The following AHI1 variants were observed in gnomAD, a reference collection of about 807,000 sequenced individuals.
The protein encoded by AHI1 is Abelson helper integration site 1.
AHI1 carries 123 observed loss-of-function variants against 149.3 expected under a neutral mutation model. That is an observed-to-expected ratio of 0.82 (90% CI 0.71 to 0.96). The LOEUF (loss-of-function observed/expected upper bound fraction) is 0.96. Among genes scored for constraint, AHI1 ranks in the 40% least tolerant of loss-of-function variants. The pLI is 0.00. For missense variants in AHI1, 1,439 were observed against 1,422.7 expected, an observed-to-expected ratio of 1.01 and a Z score of -0.18; for synonymous variants, 475 against 459.8, an observed-to-expected ratio of 1.03 and a Z score of -0.42.
At chr6:135,453,629 A>C (rs562413973) in intron 10 of AHI1, among the ~76,000 whole-genome samples, 193 bp from the exon 11 acceptor site, 1 of 152,138 alleles carries the variant, frequency 6.6e-6, no homozygotes, top group Non-Finnish European at 1.5e-5. Context: ...TTTTCTGACT[A>C]TTTTATCTTT....
At chr6:135,320,393 A>C (rs1048580519) in intron 25 of AHI1, among the ~76,000 whole-genome samples, 3 of 152,248 alleles carry the variant, frequency 2.0e-5, no homozygotes, top group Non-Finnish European at 4.4e-5. Context: ...TCATCACTGC[A>C]ATATGCTTCA....
chr6:135,424,856 T>G (rs1318494435), intron 20 of AHI1, among the ~76,000 whole-genome samples: 1 of 152,006 alleles, frequency 6.6e-6, no homozygotes, highest in Non-Finnish European at 1.5e-5. Context: ...TTAAGTCTTT[T>G]GTGTTTTTTG....
chr6:135,325,027 A>ATT (rs35569285), intron 24 of AHI1, among the ~76,000 whole-genome samples: 5 of 136,570 alleles, frequency 3.7e-5, no homozygotes, highest in Non-Finnish European at 6.2e-5. Context: ...ACAAATTACA[A>ATT]TTTTTTTTTT....
chr6:135,491,789 C>A (rs991054094), intron 4 of AHI1, among the ~76,000 whole-genome samples: 1 of 152,124 alleles, frequency 6.6e-6, no homozygotes, highest in Non-Finnish European at 1.5e-5. Flanking sequence ...TGAAATCAGA[C>A]ATACCCATTT....
intron 5 of AHI1, among the ~76,000 whole-genome samples, chr6:135,482,088 GTGGGTGTAT>G (rs1793742390): frequency 1.3e-5 from 2 of 151,950 alleles, no homozygotes; most frequent in African/African-American, 4.8e-5. Context: ...TCTCTGATCT[GTGGGTGTAT>G]TGTTTCCACA....
chr6:135,434,464 T>C lies in AHI1; in HGVS notation c.2037-1208A>G, dbSNP rs138176726. On this transcript the variant is annotated intron_variant, in intron 15 of 28. Coordinates refer to ENST00000265602, the MANE Select transcript of AHI1 (RefSeq NM_001134831.2). The stretch of plus-strand genomic sequence containing the variant: ...TAATTTTGGGAAAATATTAAAAAGA[T>C]AGATGAAAAACTCAGTTGTTTGGTA... Among the ~76,000 whole-genome samples, 911 of 152,086 alleles carry C rather than the reference T, an allele frequency of 6.0e-3. 13 individuals are homozygous for C. The highest frequency in any genetic ancestry group is 0.021 in the African/African-American group (865 of 41,528).
At chr6:135,447,616 T>C (rs1296978975) in intron 12 of AHI1, among the ~76,000 whole-genome samples, 1 of 152,204 alleles carries the variant, frequency 6.6e-6, no homozygotes, top group Non-Finnish European at 1.5e-5. Flanking sequence ...ACAGTACATA[T>C]CAGCTACAGA....
At chr6:135,391,874 G>A (rs1778551271) in intron 23 of AHI1, among the ~76,000 whole-genome samples, 1 of 152,146 alleles carries the variant, frequency 6.6e-6, no homozygotes, top group East Asian at 1.9e-4. Flanking sequence ...TGGGAAAGAG[G>A]AAAGTCGAGA....
chr6:135,348,097 C>CT (rs1490110394), intron 24 of AHI1, among the ~76,000 whole-genome samples: 4 of 152,140 alleles, frequency 2.6e-5, no homozygotes, highest in Admixed American at 2.6e-4. Context: ...AATCTCACTG[C>CT]TGGGGACACT....
At chr6:135,471,819 T>C (rs1299528962) in intron 5 of AHI1, among the ~76,000 whole-genome samples, 1 of 151,504 alleles carries the variant, frequency 6.6e-6, no homozygotes, top group Non-Finnish European at 1.5e-5. Context: ...GAGACCATCC[T>C]GGCTAACAAG....
At chr6:135,382,381 T>C (rs1296252203) in intron 23 of AHI1, among the ~76,000 whole-genome samples, 2 of 152,216 alleles carry the variant, frequency 1.3e-5, no homozygotes, top group African/African-American at 4.8e-5. Flanking sequence ...CAAATCAACA[T>C]TATCTCTAAG....
intron 27 of AHI1, among the ~76,000 whole-genome samples, chr6:135,296,677 C>T (rs1403256437): frequency 6.6e-6 from 1 of 152,212 alleles, no homozygotes; most frequent in Non-Finnish European, 1.5e-5. Context: ...ACCTTCATGT[C>T]TCCTTTCCTT....
At position 135,389,359 on chromosome 6, in the gene AHI1, C is replaced by T. The variant is rs144269584; in HGVS notation, c.3109+5417G>A. Reference sequence around the variant, plus strand: ...GTTCTTCAAATATTATTCAACATGTCGATGCACAAGAGTTAGCTTGACAGA... The same window carrying T: ...GTTCTTCAAATATTATTCAACATGTTGATGCACAAGAGTTAGCTTGACAGA... On this transcript the variant is annotated intron_variant, in intron 23 of 28. Transcript: ENST00000265602. 9.3e-3 allele frequency among the ~76,000 whole-genome samples: 1,402 copies of T among 150,990 alleles called. 19 individuals are homozygous for T. Among genetic ancestry groups the T allele is most frequent in the African/African-American group, 0.032 (1,306 of 41,150 alleles).
chr6:135,364,904 G>A (rs895627843), intron 23 of AHI1, among the ~76,000 whole-genome samples: 5 of 151,384 alleles, frequency 3.3e-5, no homozygotes, highest in African/African-American at 7.3e-5. Flanking sequence ...GAGGGAGACC[G>A]TGGGGAGAGG....
chr6:135,342,483 C>G (rs1268450419), intron 24 of AHI1, among the ~76,000 whole-genome samples: 1 of 151,656 alleles, frequency 6.6e-6, no homozygotes, highest in Non-Finnish European at 1.5e-5. Context: ...AATACTGATG[C>G]AAAACCCTCA....
chr6:135,360,669 T>C (rs879510855), intron 23 of AHI1, among the ~76,000 whole-genome samples: 13 of 152,250 alleles, frequency 8.5e-5, no homozygotes, highest in Non-Finnish European at 1.6e-4. Context: ...AAAATGCTAT[T>C]GCTTATACTC....
chr6:135,342,068 A>G (rs1432717369), intron 24 of AHI1, among the ~76,000 whole-genome samples: 1 of 151,946 alleles, frequency 6.6e-6, no homozygotes, highest in East Asian at 1.9e-4. Context: ...GGTAGAAAAA[A>G]CAAAAGGTAA....
intron 11 of AHI1, among the ~76,000 whole-genome samples, chr6:135,452,984 C>T (rs914639116): frequency 2.6e-5 from 4 of 152,116 alleles, no homozygotes; most frequent in African/African-American, 9.7e-5. Flanking sequence ...GTTTGTGTTG[C>T]TGGAATATGA....
chr6:135,463,064 TC>T, intron 8 of AHI1, 60 bp downstream of exon 8: 1 of 1,392,092 alleles, frequency 7.2e-7, no homozygotes, highest in East Asian at 2.3e-5. Context: ...GGGCTAAAAT[TC>T]CTAGAATCAA....
Sources: gnomAD v4.1 joint callset for allele counts (sites outside exome capture counted in the v4.1 genomes callset) on GRCh38, gnomAD v4.1.1 for gene constraint, MANE v1.5 for transcripts, NCBI Gene and HGNC (gene_info 2026-07-23, HGNC 2026-07-21) for gene names.